The following RNF10 variants were observed in gnomAD, a reference collection of about 807,000 sequenced individuals.
RNF10 encodes the protein ring finger protein 10, also known as E3 ubiquitin-protein ligase RNF10.
Under a neutral mutation model 91.4 loss-of-function variants are expected in RNF10, and 38 were observed. The observed-to-expected ratio is 0.42, with a 90% CI of 0.32 to 0.54. The LOEUF is 0.54. Ranked by LOEUF, RNF10 falls within the 20% of genes least tolerant of loss-of-function variation. RNF10 has a pLI of 0.16. For synonymous variants in RNF10, 364 were observed against 366.3 expected (o/e 0.99, Z 0.07); for missense variants, 945 against 1,012.0 (o/e 0.93, Z 0.90).
chr12:120,565,874 G>A (rs974855077), intron 12 of RNF10, among the ~76,000 whole-genome samples: 1 of 152,284 alleles, frequency 6.6e-6, no homozygotes, highest in South Asian at 2.1e-4. Flanking sequence ...TTATTAAAGG[G>A]ACCAGCTATA....
chr12:120,560,705 A>G, intron 6 of RNF10, 21 bp from the exon 7 acceptor site: 2 of 1,603,464 alleles, frequency 1.2e-6, no homozygotes, highest in Non-Finnish European at 8.5e-7. Flanking sequence ...CATTTCTTTG[A>G]TCTTGCTGGC....
intron 2 of RNF10, among the ~76,000 whole-genome samples, chr12:120,548,170 A>G (rs890616245): frequency 2.6e-5 from 4 of 152,202 alleles, no homozygotes; most frequent in African/African-American, 9.6e-5. Context: ...GAAATGTTAT[A>G]TGTACATTGA....
intron 1 of RNF10, among the ~76,000 whole-genome samples, chr12:120,540,150 T>TG (rs1871344857): frequency 6.7e-6 from 1 of 148,970 alleles, no homozygotes; most frequent in African/African-American, 2.5e-5. Flanking sequence ...TTTGTAGAGA[T>TG]GGGGGTCTCA....
intron 14 of RNF10, among the ~76,000 whole-genome samples, chr12:120,573,305 A>C (rs977739729): frequency 6.6e-6 from 1 of 152,130 alleles, no homozygotes; most frequent in Non-Finnish European, 1.5e-5. Flanking sequence ...TTAGTTGTCA[A>C]GTCTCTTTAG....
intron 4 of RNF10, among the ~76,000 whole-genome samples, 163 bp from the exon 5 acceptor site, chr12:120,557,119 A>G (rs1184779147): frequency 2.0e-5 from 3 of 151,850 alleles, no homozygotes; most frequent in Non-Finnish European, 2.9e-5. Context: ...ATGATCATAC[A>G]TGTACCTACG....
chr12:120,561,237 C>G (rs1238172606), intron 7 of RNF10, among the ~76,000 whole-genome samples: 1 of 152,114 alleles, frequency 6.6e-6, no homozygotes, highest in African/African-American at 2.4e-5. Context: ...TGGGAAAATA[C>G]TTAAGATTCT....
chr12:120,550,391 A>G (rs944070573), intron 2 of RNF10, among the ~76,000 whole-genome samples: 2 of 152,068 alleles, frequency 1.3e-5, no homozygotes, highest in Non-Finnish European at 2.9e-5. Context: ...CAAGCTGAAG[A>G]TGATAAAAGG....
chr12:120,545,330 C>T (rs1432041230), intron 1 of RNF10, among the ~76,000 whole-genome samples: 3 of 150,698 alleles, frequency 2.0e-5, no homozygotes, highest in Admixed American at 6.7e-5. Flanking sequence ...TACAGGTGCC[C>T]GCCACCATGC....
At position 120,576,724 on chromosome 12, in the gene RNF10, C is replaced by T. The variant is rs1877447346; in HGVS notation, c.*58C>T. ...TTTTTGTTTTTGTTTTTTTTTCCCC[C>T]ATGCTTTTGTTTGGCTGCTGTAATT... On this transcript the variant is annotated 3_prime_UTR_variant, in exon 17 of 17. Transcript: ENST00000325954. 3.1e-6 allele frequency: 5 copies of T among 1,589,200 alleles called. No homozygotes were observed. The Admixed American group carries it at 7.5e-5, about 24-fold the overall frequency.
In RNF10 at chr12:120,563,058, T is replaced by C; in HGVS notation, c.1242T>C (p.Phe414=). 3.1e-6 allele frequency: 5 copies of C among 1,614,142 alleles called. No individual in the cohort carries two copies. ...LMAPLAKESV[F]QPRKGVLEYL... ...CTCCCTTGGCGAAGGAGTCTGTTTT[T>C]CAACCCAGGAAGGTTAGTGTGTTCC... The change falls in exon 8 of 17, where the codon TTT becomes TTC. Residue 414 remains phenylalanine (F), a synonymous_variant. Transcript: ENST00000325954.
At position 120,563,588 on chromosome 12, in the gene RNF10, G is replaced by A; in HGVS notation, c.1496G>A (p.Arg499His). The stretch of plus-strand genomic sequence containing the variant: ...CCCATCACCAAGTCAGGCTTCACAC[G>A]CCTCAGCAGCTCTCCTTGTTACTAC... Reference protein sequence around the residue: ...QEPITKSGFTRLSSSPCYYFY... With the variant: ...QEPITKSGFTHLSSSPCYYFY... The change falls in exon 9 of 17, where the codon CGC becomes CAC. Residue 499 changes from arginine (R) to histidine (H), a missense_variant. Coordinates refer to ENST00000325954, the MANE Select transcript of RNF10 (RefSeq NM_014868.5). 4.3e-6 allele frequency: 7 copies of A among 1,610,032 alleles called. No individual in the cohort carries two copies. The highest frequency in any genetic ancestry group is 2.2e-5 in the East Asian group (1 of 44,842).
At chr12:120,567,335 CA>C (rs11373766) in intron 13 of RNF10, among the ~76,000 whole-genome samples, 2,367 of 143,992 alleles carry the variant, frequency 0.016, 59 homozygotes, top group South Asian at 0.069. Context: ...TTTAATAGCT[CA>C]AAAAAAAAAA....
chr12:120,557,374 G>C lies in RNF10; in HGVS notation c.738G>C (p.Trp246Cys), dbSNP rs778079330. The change falls in exon 5 of 17, where the codon TGG becomes TGC. Residue 246 changes from tryptophan (W) to cysteine (C), a missense_variant. Transcript: ENST00000325954. ...KITRCGHIFC[W>C]ACILHYLSLS... ...CCCGTTGTGGACACATCTTCTGCTG[G>C]GCATGCATCCTGCACTATCTTTCAC... is the stretch of plus-strand genomic sequence containing the variant. 1 of 1,614,130 alleles carries C rather than the reference G, an allele frequency of 6.2e-7. No individual in the cohort carries two copies. Among genetic ancestry groups the C allele is most frequent in the Admixed American group, 1.7e-5 (1 of 59,996 alleles).
Position 120,577,087 on chromosome 12 carries a change from T to TA in RNF10, c.*427dup. ...TCAGTACACCTCTCAGTTTGTCTTT[T>TA]AAAAAACAGCTGAATCTTTACTACC... On this transcript the variant is annotated 3_prime_UTR_variant, in exon 17 of 17. Coordinates refer to ENST00000325954, the MANE Select transcript of RNF10 (RefSeq NM_014868.5). The TA allele has an allele frequency of 2.4e-6, 1 of 421,898 alleles. No individual in the cohort carries two copies. 26.1% of individuals were successfully genotyped at this position (421,898 alleles called of 1,614,324 possible). A position where few individuals can be genotyped will look rare whatever the true frequency, so the allele number is the denominator to read the frequency against.
chr12:120,547,387 G>A (rs1872492625), intron 2 of RNF10, among the ~76,000 whole-genome samples: 2 of 152,162 alleles, frequency 1.3e-5, no homozygotes, highest in African/African-American at 4.8e-5. Context: ...GACCTCCTGG[G>A]CTCAAGTGAT....
intron 1 of RNF10, among the ~76,000 whole-genome samples, chr12:120,537,336 A>T (rs1870971316): frequency 6.8e-6 from 1 of 148,120 alleles, no homozygotes; most frequent in Non-Finnish European, 1.5e-5. Flanking sequence ...TTCTGTAAAA[A>T]CTCATGTAGG....
Position 120,534,882 on chromosome 12 carries a change from C to T in RNF10, c.71C>T (p.Ser24Phe). 3 of 1,608,586 alleles carry T rather than the reference C, an allele frequency of 1.9e-6. No individual in the cohort carries two copies. Among genetic ancestry groups the T allele is most frequent in the African/African-American group, 1.3e-5 (1 of 74,998 alleles). The change falls in exon 1 of 17, where the codon TCC becomes TTC. Residue 24 changes from serine (S) to phenylalanine (F), a missense_variant. Physicochemically the swap from Ser to Phe is radical, Grantham distance 155 (BLOSUM62 -2). Coordinates refer to ENST00000325954, the MANE Select transcript of RNF10 (RefSeq NM_014868.5). ...DMDKNSGSNS[S>F]SASSGSSKGQ... ...GACAAGAACAGCGGCTCCAACAGCTCCTCCGCCTCTTCGGGCAGCAGCAAA... is the reference window on the plus strand; with the variant it reads ...GACAAGAACAGCGGCTCCAACAGCTTCTCCGCCTCTTCGGGCAGCAGCAAA...
At chr12:120,570,606 C>T (rs1410923665) in intron 13 of RNF10, among the ~76,000 whole-genome samples, 2 of 152,172 alleles carry the variant, frequency 1.3e-5, no homozygotes, top group Non-Finnish European at 2.9e-5. Flanking sequence ...TCTCGTCCAA[C>T]ACTGTTCAGG....
chr12:120,562,379 A>T (rs1725692633), intron 7 of RNF10, among the ~76,000 whole-genome samples: 1 of 139,724 alleles, frequency 7.2e-6, no homozygotes, highest in African/African-American at 2.7e-5. Flanking sequence ...GGTTCAAGTG[A>T]TTCTCCTGCC....
Sources: allele counts gnomAD v4.1 joint callset (sites outside exome capture counted in the v4.1 genomes callset), GRCh38; gene constraint gnomAD v4.1.1; transcripts MANE v1.5; gene names NCBI Gene and HGNC (gene_info 2026-07-23, HGNC 2026-07-21).